The following MAP4K3 variants were observed in gnomAD, a reference collection of about 807,000 sequenced individuals.
MAP4K3 encodes the protein MAPK/ERK kinase kinase kinase 3.
In MAP4K3, 94 loss-of-function variants were observed where a neutral mutation model predicts 143.5. That is an observed-to-expected ratio of 0.65 (90% CI 0.55 to 0.78). The LOEUF (loss-of-function observed/expected upper bound fraction) is 0.78, where lower values mean the gene tolerates loss of function less well. Among genes scored for constraint, MAP4K3 ranks in the 30% least tolerant of loss-of-function variants. The pLI, the probability that MAP4K3 is intolerant of heterozygous loss-of-function variation, is 0.00. For synonymous variants in MAP4K3, 416 were observed against 347.2 expected (o/e 1.20, Z -2.20); for missense variants, 1,077 against 1,068.1 (o/e 1.01, Z -0.12).
intron 1 of MAP4K3, among the ~76,000 whole-genome samples, chr2:39,433,506 T>C (rs149944793): frequency 6.6e-6 from 1 of 152,310 alleles, no homozygotes; most frequent in Non-Finnish European, 1.5e-5. Context: ...CATATTATGA[T>C]CTATTATAAC....
intron 1 of MAP4K3, among the ~76,000 whole-genome samples, chr2:39,424,641 G>T (rs1353727623): frequency 4.6e-5 from 7 of 151,838 alleles, no homozygotes; most frequent in Non-Finnish European, 1.0e-4. Flanking sequence ...ACCAGCCAAG[G>T]CAACATAGTG....
chr2:39,356,368 T>C (rs1455584597), intron 2 of MAP4K3, 29 bp from the exon 3 acceptor site: 1 of 1,282,138 alleles, frequency 7.8e-7, no homozygotes, highest in African/African-American at 1.5e-5. Context: ...ATGTTGAATA[T>C]TTAGAGGTAA....
At chr2:39,419,315 C>A (rs1054427100) in intron 1 of MAP4K3, among the ~76,000 whole-genome samples, 6 of 151,980 alleles carry the variant, frequency 3.9e-5, no homozygotes, top group African/African-American at 1.4e-4. Context: ...TAAAGCCCAC[C>A]AAAATAAGTT....
At chr2:39,278,943 T>C (rs973863672) in intron 23 of MAP4K3, among the ~76,000 whole-genome samples, 5 of 152,196 alleles carry the variant, frequency 3.3e-5, no homozygotes, top group African/African-American at 9.7e-5. Context: ...CCACAGTCTA[T>C]TAAAAAGTTA....
Position 39,292,360 on chromosome 2 carries a change from G to GT in MAP4K3, c.1271+412dup, listed in dbSNP as rs1464930876. On this transcript the variant is annotated intron_variant, in intron 18 of 33. Transcript: ENST00000263881. ...GAAGTAATTAAGCTTAAATGAGGTT[G>GT]TAACAGTGGGATCCTAATCCTATGG... is the stretch of plus-strand genomic sequence containing the variant. Among the ~76,000 whole-genome samples the GT allele has an allele frequency of 2.0e-5, 3 of 152,294 alleles. No homozygotes were observed. The South Asian group carries it at 6.2e-4, about 32-fold the overall frequency.
At chr2:39,259,010 GT>G (rs10673971) in intron 29 of MAP4K3, among the ~76,000 whole-genome samples, 9 of 145,034 alleles carry the variant, frequency 6.2e-5, no homozygotes, top group East Asian at 2.0e-4. Flanking sequence ...AATGAAAATT[GT>G]TTTTTTTTTT....
chr2:39,269,477 T>TTG (rs1680921543), intron 26 of MAP4K3, among the ~76,000 whole-genome samples: 1 of 141,970 alleles, frequency 7.0e-6, no homozygotes, highest in South Asian at 2.3e-4. Context: ...GGTCTTTTTT[T>TTG]TTTTTTTTTT....
At position 39,378,137 on chromosome 2, in the gene MAP4K3, G is replaced by T. The variant is rs746462380; in HGVS notation, c.97-14C>A. ...AACATTCCGTGCCTAAAAGAAAGAG[G>T]AAAAAAGGATTATTGTGAAGAAAGC... On this transcript the variant is annotated splice_polypyrimidine_tract_variant and intron_variant, in intron 1 of 33. Coordinates refer to ENST00000263881, the MANE Select transcript of MAP4K3 (RefSeq NM_003618.4). The T allele has an allele frequency of 1.3e-6, 2 of 1,513,900 alleles. No homozygotes were observed. Among genetic ancestry groups the T allele is most frequent in the Non-Finnish European group, 1.8e-6 (2 of 1,111,104 alleles). The allele number at this position is 1,513,900 out of a possible 1,614,324, so 93.8% of individuals were successfully genotyped here.
intron 18 of MAP4K3, among the ~76,000 whole-genome samples, chr2:39,291,683 C>T (rs928005632): frequency 1.3e-5 from 2 of 151,938 alleles, no homozygotes; most frequent in African/African-American, 4.8e-5. Flanking sequence ...CTCAGGAGTT[C>T]GAGCCCAGCC....
intron 1 of MAP4K3, among the ~76,000 whole-genome samples, chr2:39,382,188 GA>G (rs1374686762): frequency 6.6e-6 from 1 of 152,166 alleles, no homozygotes; most frequent in African/African-American, 2.4e-5. Context: ...CCAACTATCA[GA>G]AAGGCATTCC....
chr2:39,331,884 C>G lies in MAP4K3; in HGVS notation c.530+33G>C, dbSNP rs778952714. On this transcript the variant is annotated intron_variant, in intron 8 of 33. Coordinates refer to ENST00000263881, the MANE Select transcript of MAP4K3 (RefSeq NM_003618.4). The stretch of plus-strand genomic sequence containing the variant: ...AATGCTATATCCAATAATGATAGAA[C>G]AAAGTATTAAATATCAATTAAAATA... 3.7e-6 allele frequency: 5 copies of G among 1,353,892 alleles called. No homozygotes were observed. The South Asian group carries it at 7.1e-5, about 19-fold the overall frequency. The allele number at this position is 1,353,892 out of a possible 1,614,324, so 83.9% of individuals were successfully genotyped here.
chr2:39,392,170 C>T (rs1489827571), intron 1 of MAP4K3, among the ~76,000 whole-genome samples: 1 of 108,948 alleles, frequency 9.2e-6, no homozygotes, highest in Non-Finnish European at 1.8e-5. Context: ...GGCAACAGAA[C>T]GACACTCCTA....
chr2:39,295,289 AT>A (rs200639974), intron 16 of MAP4K3, among the ~76,000 whole-genome samples: 16 of 151,370 alleles, frequency 1.1e-4, no homozygotes, highest in African/African-American at 1.9e-4. Flanking sequence ...AAGAATGGAG[AT>A]TTTTTTTTAA....
At chr2:39,402,995 A>T (rs1355692817) in intron 1 of MAP4K3, among the ~76,000 whole-genome samples, 1 of 152,206 alleles carries the variant, frequency 6.6e-6, no homozygotes, top group African/African-American at 2.4e-5. Context: ...ACCAAATCTC[A>T]TTAAAGAAAT....
At chr2:39,283,287 T>C (rs1457821194) in intron 21 of MAP4K3, among the ~76,000 whole-genome samples, 3 of 152,332 alleles carry the variant, frequency 2.0e-5, no homozygotes, top group African/African-American at 4.8e-5. Flanking sequence ...TGAGAGCTCC[T>C]GGTTCTTTCT....
chr2:39,371,644 C>A (rs1022095653), intron 2 of MAP4K3, among the ~76,000 whole-genome samples: 13 of 152,002 alleles, frequency 8.6e-5, no homozygotes, highest in Non-Finnish European at 1.6e-4. Flanking sequence ...ACAAGAAACA[C>A]ATTTCACCTA....
At chr2:39,379,102 T>C (rs1432506934) in intron 1 of MAP4K3, among the ~76,000 whole-genome samples, 4 of 152,050 alleles carry the variant, frequency 2.6e-5, no homozygotes, top group African/African-American at 4.8e-5. Context: ...GATTTATTCC[T>C]AGTTGCAACA....
At chr2:39,294,389 T>C (rs185379893) in intron 16 of MAP4K3, 2 of 152,324 alleles carry the variant, frequency 1.3e-5, no homozygotes, top group East Asian at 1.9e-4. Flanking sequence ...GTAAATTCTA[T>C]AGGAAAACCA....
At chr2:39,392,183 C>CAAAAAAAAAAAAAAAAAAAAA (rs3086434) in intron 1 of MAP4K3, among the ~76,000 whole-genome samples, 3 of 69,036 alleles carry the variant, frequency 4.3e-5, no homozygotes, top group Non-Finnish European at 5.1e-5. Flanking sequence ...CACTCCTACT[C>CAAAAAAAAAAAAAAAAAAAAA]AAAAAAAAAA....
Sources: allele counts gnomAD v4.1 joint callset (sites outside exome capture counted in the v4.1 genomes callset), GRCh38; gene constraint gnomAD v4.1.1; transcripts MANE v1.5; gene names NCBI Gene and HGNC (gene_info 2026-07-23, HGNC 2026-07-21).